SEMA3D: variants seen among roughly 807,000 people sequenced by gnomAD.
SEMA3D encodes semaphorin 3D.
A neutral mutation model predicts 100.1 loss-of-function variants in SEMA3D; 84 were observed. The ratio of observed to expected loss-of-function variants is 0.84; its 90% CI spans 0.70 to 1.01. The LOEUF (loss-of-function observed/expected upper bound fraction) is 1.01, where lower values mean the gene tolerates loss of function less well. Ranked by LOEUF, SEMA3D falls within the 50% of genes least tolerant of loss-of-function variation. The pLI, the probability that SEMA3D is intolerant of heterozygous loss-of-function variation, is 0.00. For synonymous variants in SEMA3D, 312 were observed against 320.7 expected (o/e 0.97, Z 0.29); for missense variants, 875 against 934.1 (o/e 0.94, Z 0.82).
At chr7:85,120,384 G>T (rs569125984) in intron 3 of SEMA3D, among the ~76,000 whole-genome samples, 4 of 151,992 alleles carry the variant, frequency 2.6e-5, no homozygotes, top group Non-Finnish European at 5.9e-5. Context: ...GTTATCGATT[G>T]TGGCCAGGCG....
chr7:85,234,788 A>G, the SEMA3D span, among the ~76,000 whole-genome samples: 1 of 152,350 alleles, frequency 6.6e-6, no homozygotes, highest in South Asian at 2.1e-4. Flanking sequence ...AAATAGTATT[A>G]TTCACTTTAA....
chr7:85,127,358 G>A (rs1238520517), intron 2 of SEMA3D, among the ~76,000 whole-genome samples: 1 of 152,104 alleles, frequency 6.6e-6, no homozygotes, highest in African/African-American at 2.4e-5. Context: ...GTTCAACAAA[G>A]CAACACTGTT....
intron 1 of SEMA3D, among the ~76,000 whole-genome samples, chr7:85,178,148 A>G (rs2732763): frequency 0.66 from 101,125 of 152,080 alleles, 34,345 homozygotes; most frequent in East Asian, 0.92. Context: ...GGAACTGTGA[A>G]TCAATTAAAC....
At chr7:85,015,307 A>G in intron 15 of SEMA3D, 91 bp from the exon 16 acceptor site, 3 of 1,241,724 alleles carry the variant, frequency 2.4e-6, no homozygotes, top group Non-Finnish European at 3.4e-6. Flanking sequence ...ATACATATAA[A>G]TCTGTTTCTC....
At chr7:84,999,899 AAC>A in intron 18 of SEMA3D, 34 bp from the exon 19 acceptor site, 1 of 1,573,778 alleles carries the variant, frequency 6.4e-7, no homozygotes, top group Non-Finnish European at 8.7e-7. Flanking sequence ...TAATAAATTA[AAC>A]ACAGAGAGAG....
chr7:85,019,608 A>T (rs777279134), intron 14 of SEMA3D, among the ~76,000 whole-genome samples: 3 of 151,762 alleles, frequency 2.0e-5, no homozygotes, highest in Non-Finnish European at 2.9e-5. Context: ...TGAGAAAAAA[A>T]GTATTTCAAA....
chr7:85,035,294 C>A (rs773661436), intron 12 of SEMA3D, among the ~76,000 whole-genome samples: 1 of 150,530 alleles, frequency 6.6e-6, no homozygotes, highest in Non-Finnish European at 1.5e-5. Flanking sequence ...ATGTATATAT[C>A]TATATACAGG....
At chr7:85,166,236 G>A (rs889779421) in intron 1 of SEMA3D, among the ~76,000 whole-genome samples, 1 of 151,912 alleles carries the variant, frequency 6.6e-6, no homozygotes, top group Admixed American at 6.6e-5. Context: ...TTTTCTACAC[G>A]ATGTTGATCT....
At chr7:85,117,776 G>A (rs1789285494) in intron 3 of SEMA3D, among the ~76,000 whole-genome samples, 1 of 143,228 alleles carries the variant, frequency 7.0e-6, no homozygotes. Flanking sequence ...ATGTATGTAT[G>A]TATGTATGTA....
At chr7:85,087,883 T>C (rs973975191) in intron 4 of SEMA3D, among the ~76,000 whole-genome samples, 6 of 152,168 alleles carry the variant, frequency 3.9e-5, no homozygotes, top group African/African-American at 1.4e-4. Flanking sequence ...CTTACTAGTA[T>C]GAAAAGAGAC....
chr7:85,167,177 C>T (rs887684817), intron 1 of SEMA3D: 5 of 605,400 alleles, frequency 8.3e-6, no homozygotes, highest in Non-Finnish European at 8.3e-6. Context: ...ATGCAGGGAG[C>T]TATATCAACT....
upstream of SEMA3D, among the ~76,000 whole-genome samples, chr7:85,189,701 T>C (rs554379218): frequency 5.4e-4 from 82 of 151,964 alleles, no homozygotes; most frequent in Non-Finnish European, 1.1e-3. Flanking sequence ...ATAACTTTCA[T>C]GTTCTTGGAA....
chr7:85,231,671 C>A, the SEMA3D span, among the ~76,000 whole-genome samples: 2 of 152,098 alleles, frequency 1.3e-5, no homozygotes, highest in East Asian at 1.9e-4. Context: ...AGGATGGTCT[C>A]GATCTCCTGA....
intron 2 of SEMA3D, among the ~76,000 whole-genome samples, chr7:85,147,085 TTCTTTTC>T: frequency 7.8e-6 from 1 of 127,518 alleles, no homozygotes; most frequent in African/African-American, 3.0e-5. Flanking sequence ...TCTTTTCTTT[TTCTTTTC>T]TTTTTTTTTT....
At chr7:85,010,995 G>A (rs1450613320) in intron 17 of SEMA3D, among the ~76,000 whole-genome samples, 1 of 151,686 alleles carries the variant, frequency 6.6e-6, no homozygotes, top group Non-Finnish European at 1.5e-5. Flanking sequence ...TAACCAGAAG[G>A]ATATGGTACA....
intron 16 of SEMA3D, among the ~76,000 whole-genome samples, chr7:85,013,490 A>C (rs1257404217): frequency 6.6e-6 from 1 of 151,744 alleles, no homozygotes; most frequent in Non-Finnish European, 1.5e-5. Context: ...ATTTTCCTTA[A>C]AAGAAAGGAG....
chr7:85,247,847 C>T, the SEMA3D span, among the ~76,000 whole-genome samples: 22 of 152,094 alleles, frequency 1.4e-4, no homozygotes, highest in Admixed American at 9.8e-4. Flanking sequence ...TATCTGGAAA[C>T]AAGAAAATGA....
chr7:84,999,788 C>A lies in SEMA3D; in HGVS notation c.1986G>T (p.Met662Ile), dbSNP rs563310910. ...IRSLQKKDSG[M>I]YYCKAQEHTF... ...TGTGCTCCTGGGCTTTGCAGTAATA[C>A]ATCCCAGAATCCTTCTTCTGCAAAC... is the stretch of plus-strand genomic sequence containing the variant. The change falls in exon 19 of 19, where the codon ATG becomes ATT. Residue 662 changes from methionine (M) to isoleucine (I), a missense_variant. By Grantham distance (10) the Met-to-Ile change is conservative (BLOSUM62 1). Transcript: ENST00000284136. 6.2e-7 allele frequency: 1 copy of A among 1,613,976 alleles called. No homozygotes were observed. The highest frequency in any genetic ancestry group is 8.5e-7 in the Non-Finnish European group (1 of 1,179,954).
At chr7:85,144,768 T>C (rs1245924303) in intron 2 of SEMA3D, 1 of 625,974 alleles carries the variant, frequency 1.6e-6, no homozygotes, top group East Asian at 1.4e-4. Flanking sequence ...ATAATAATAT[T>C]TCATAGAATT....
Sources: gnomAD v4.1 joint callset for allele counts (sites outside exome capture counted in the v4.1 genomes callset) on GRCh38, gnomAD v4.1.1 for gene constraint, MANE v1.5 for transcripts, NCBI Gene and HGNC (gene_info 2026-07-23, HGNC 2026-07-21) for gene names.